TMEM67: variants seen among roughly 807,000 people sequenced by gnomAD.
TMEM67 encodes the protein transmembrane protein 67.
Under a neutral mutation model 136.6 loss-of-function variants are expected in TMEM67, and 124 were observed. The observed-to-expected ratio is 0.91, with a 90% confidence interval of 0.78 to 1.05. The LOEUF (loss-of-function observed/expected upper bound fraction) is 1.05, where lower values mean the gene tolerates loss of function less well. Ranked by LOEUF, TMEM67 falls within the 50% of genes least tolerant of loss-of-function variation. The pLI, the probability that TMEM67 is intolerant of heterozygous loss-of-function variation, is 0.00. For synonymous variants in TMEM67, 364 were observed against 390.5 expected (o/e 0.93, Z 0.80); for missense variants, 1,107 against 1,178.4 (o/e 0.94, Z 0.89).
chr8:93,791,362 A>G (rs1454025960), intron 15 of TMEM67, 43 bp downstream of exon 15: 1 of 1,357,920 alleles, frequency 7.4e-7, no homozygotes, highest in South Asian at 1.3e-5. Context: ...AGTGTATTTT[A>G]TAATTAAATG....
chr8:93,813,105 T>G (rs534939241), intron 26 of TMEM67, among the ~76,000 whole-genome samples: 1 of 152,248 alleles, frequency 6.6e-6, no homozygotes, highest in East Asian at 1.9e-4. Flanking sequence ...CCTTTCTCCT[T>G]TGTTCCTTCT....
intron 20 of TMEM67, among the ~76,000 whole-genome samples, chr8:93,798,745 C>A (rs1400796916): frequency 6.6e-6 from 1 of 151,758 alleles, no homozygotes; most frequent in Non-Finnish European, 1.5e-5. Context: ...GTTTGTATCC[C>A]TAGGGCTTTA....
At chr8:93,798,733 A>G (rs1814732198) in intron 20 of TMEM67, among the ~76,000 whole-genome samples, 1 of 152,032 alleles carries the variant, frequency 6.6e-6, no homozygotes, top group African/African-American at 2.4e-5. Context: ...TAGTAGAAGA[A>G]TGTTTGTATC....
chr8:93,775,334 T>C (rs1430763793), intron 7 of TMEM67, among the ~76,000 whole-genome samples: 1 of 152,270 alleles, frequency 6.6e-6, no homozygotes, highest in African/African-American at 2.4e-5. Context: ...TTTCTTTTGC[T>C]GTGCAGAAGC....
At chr8:93,824,874 G>A in the TMEM67 span, among the ~76,000 whole-genome samples, 416 of 151,936 alleles carry the variant, frequency 2.7e-3, 1 homozygote, top group Admixed American at 7.6e-3. Flanking sequence ...GCCACCATAC[G>A]CAGCTAATTT....
chr8:93,789,249 A>G (rs1223655783), intron 14 of TMEM67, among the ~76,000 whole-genome samples: 1 of 152,166 alleles, frequency 6.6e-6, no homozygotes, highest in Non-Finnish European at 1.5e-5. Flanking sequence ...AAAAATACAC[A>G]TGTAGTATAA....
intron 7 of TMEM67, among the ~76,000 whole-genome samples, chr8:93,776,386 A>G (rs946909823): frequency 5.3e-5 from 8 of 152,238 alleles, no homozygotes; most frequent in South Asian, 2.1e-4. Context: ...TTCCAACACT[A>G]TGTTGAATAG....
the TMEM67 span, among the ~76,000 whole-genome samples, chr8:93,826,362 C>G: frequency 1.3e-5 from 2 of 151,902 alleles, no homozygotes; most frequent in African/African-American, 2.4e-5. Flanking sequence ...ATCTCCTGAC[C>G]TCATGATCCG....
chr8:93,775,785 A>T (rs574845983), intron 7 of TMEM67, among the ~76,000 whole-genome samples: 54 of 152,262 alleles, frequency 3.5e-4, no homozygotes, highest in African/African-American at 1.3e-3. Flanking sequence ...GTCAGGTAGC[A>T]TGATGCCTCC....
downstream of TMEM67, among the ~76,000 whole-genome samples, chr8:93,820,324 G>T (rs1488990356): frequency 6.6e-6 from 1 of 152,134 alleles, no homozygotes; most frequent in East Asian, 1.9e-4. Flanking sequence ...GCTTTGGAGG[G>T]CAATGAGGTT....
upstream of TMEM67, chr8:93,754,872 C>T (rs752417448): frequency 2.5e-6 from 4 of 1,581,716 alleles, no homozygotes; most frequent in Non-Finnish European, 3.5e-6. Context: ...GCCGCAGAGG[C>T]TGATGGGGGG....
chr8:93,759,267 G>T (rs1402919351), intron 3 of TMEM67: 2 of 151,862 alleles, frequency 1.3e-5, no homozygotes, highest in African/African-American at 2.4e-5. Flanking sequence ...TTTGAGACCA[G>T]TCTGGGCAAC....
chr8:93,795,788 A>G, intron 17 of TMEM67, 113 bp from the exon 18 acceptor site: 1 of 790,956 alleles, frequency 1.3e-6, no homozygotes, highest in East Asian at 2.6e-5. Context: ...CTGCCCGGGC[A>G]GCATACTGAG....
At chr8:93,765,689 T>C in intron 6 of TMEM67, 43 bp downstream of exon 6, 1 of 1,311,182 alleles carries the variant, frequency 7.6e-7, no homozygotes, top group Non-Finnish European at 1.1e-6. Context: ...TAAAAAACTT[T>C]CTACATTTCA....
intron 13 of TMEM67, 99 bp downstream of exon 13, chr8:93,786,445 A>G: frequency 7.2e-7 from 1 of 1,386,758 alleles, no homozygotes; most frequent in Non-Finnish European, 1.0e-6. Context: ...ACTGAATTGG[A>G]ACAGTTGGTC....
downstream of TMEM67, among the ~76,000 whole-genome samples, chr8:93,820,575 C>A (rs1485819018): frequency 4.6e-5 from 7 of 152,182 alleles, no homozygotes; most frequent in Admixed American, 2.0e-4. Flanking sequence ...GGCTGCACCA[C>A]TTACTGGCTG....
intron 16 of TMEM67, 22 bp from the exon 17 acceptor site, chr8:93,795,387 A>C (rs765233634): frequency 6.3e-7 from 1 of 1,599,400 alleles, no homozygotes; most frequent in South Asian, 1.1e-5. Context: ...AAACAGCTGT[A>C]ATTCTTTTTT....
At chr8:93,808,104 A>G (rs951138464) in intron 23 of TMEM67, among the ~76,000 whole-genome samples, 1 of 151,410 alleles carries the variant, frequency 6.6e-6, no homozygotes, top group Non-Finnish European at 1.5e-5. Flanking sequence ...TTAAAAGAGC[A>G]ATAAGGTCAA....
At chr8:93,825,821 A>C in the TMEM67 span, among the ~76,000 whole-genome samples, 2 of 152,212 alleles carry the variant, frequency 1.3e-5, no homozygotes, top group African/African-American at 2.4e-5. Context: ...GAGAGAGGTT[A>C]TCTCTCTTGG....
Sources: gnomAD v4.1 joint callset for allele counts (sites outside exome capture counted in the v4.1 genomes callset) on GRCh38, gnomAD v4.1.1 for gene constraint, MANE v1.5 for transcripts, NCBI Gene and HGNC (gene_info 2026-07-23, HGNC 2026-07-21) for gene names.